The following GDI2 variants were observed in gnomAD, a reference collection of about 807,000 sequenced individuals.
The protein encoded by GDI2 is rab GDP dissociation inhibitor beta.
In GDI2, 22 loss-of-function variants were observed where a neutral mutation model predicts 54.2. The ratio of observed to expected loss-of-function variants is 0.41; its 90% CI spans 0.29 to 0.58. The LOEUF is 0.58. Among genes scored for constraint, GDI2 ranks in the 20% least tolerant of loss-of-function variants. GDI2 has a pLI of 0.35. For synonymous variants in GDI2, 177 were observed against 182.1 expected (o/e 0.97, Z 0.23); for missense variants, 422 against 546.0 (o/e 0.77, Z 2.26).
chr10:5,784,219 T>C (rs1840823645), intron 6 of GDI2, among the ~76,000 whole-genome samples: 1 of 152,232 alleles, frequency 6.6e-6, no homozygotes, highest in Admixed American at 6.5e-5. Context: ...TCAATTCTAT[T>C]GCTGAGACTT....
intron 1 of GDI2, among the ~76,000 whole-genome samples, chr10:5,807,387 C>T (rs1238929242): frequency 6.6e-6 from 1 of 152,176 alleles, no homozygotes; most frequent in Non-Finnish European, 1.5e-5. Flanking sequence ...ACTAGAAAAG[C>T]TGGTCCATCT....
rs1840335658 is a variant in GDI2, at chr10:5,766,421, A to G, written c.1136+73T>C. The G allele has an allele frequency of 6.4e-7, 1 of 1,567,528 alleles. No homozygotes were observed. Among genetic ancestry groups the G allele is most frequent in the Non-Finnish European group, 8.8e-7 (1 of 1,138,636 alleles). Reference sequence around the variant, plus strand: ...CAGCAGCTACCTGCCTTGCCCTCACATTCGTCCCACCATGGAGCCACAATC... The same window carrying G: ...CAGCAGCTACCTGCCTTGCCCTCACGTTCGTCCCACCATGGAGCCACAATC... On this transcript the variant is annotated intron_variant, in intron 9 of 10. Transcript: ENST00000380191. The surrounding 1 kb of genome is among the most constrained non-coding windows in gnomAD (Gnocchi z 5.8).
At chr10:5,778,157 T>C (rs1840667874) in intron 6 of GDI2, among the ~76,000 whole-genome samples, 1 of 152,070 alleles carries the variant, frequency 6.6e-6, no homozygotes, top group South Asian at 2.1e-4. Context: ...TAGGGAGGGA[T>C]AGCACTAGAA....
chr10:5,784,769 G>C (rs766141617), intron 6 of GDI2, among the ~76,000 whole-genome samples: 4 of 152,200 alleles, frequency 2.6e-5, no homozygotes, highest in Non-Finnish European at 4.4e-5. Flanking sequence ...AAAGAGTCCT[G>C]TGATGTGATC....
At position 5,800,641 on chromosome 10, in the gene GDI2, G is replaced by A; in HGVS notation, c.110C>T (p.Pro37Leu). Reference sequence around the variant, plus strand: ...AGATGCACTCTCTCCTCCGTAGTAAGGGTTTCGATCCATATGAAGAACTTT... The same window carrying A: ...AGATGCACTCTCTCCTCCGTAGTAAAGGTTTCGATCCATATGAAGAACTTT... ...GKKVLHMDRN[P>L]YYGGESASIT... The change falls in exon 2 of 11, where the codon CCT becomes CTT. Residue 37 changes from proline to leucine, a missense_variant. Physicochemically the swap from Pro to Leu is moderately conservative, Grantham distance 98. Coordinates refer to ENST00000380191, the MANE Select transcript of GDI2 (RefSeq NM_001494.4). 6.3e-7 allele frequency: 1 copy of A among 1,599,154 alleles called. No individual in the cohort carries two copies. Among genetic ancestry groups the A allele is most frequent in the Non-Finnish European group, 8.6e-7 (1 of 1,166,350 alleles).
chr10:5,770,086 T>C (rs1338090623), intron 7 of GDI2, among the ~76,000 whole-genome samples: 2 of 152,198 alleles, frequency 1.3e-5, no homozygotes, highest in African/African-American at 4.8e-5. Flanking sequence ...ACAACACAGA[T>C]GAACCATGGA....
At chr10:5,796,109 G>C (rs1407764765) in intron 3 of GDI2, among the ~76,000 whole-genome samples, 1 of 152,078 alleles carries the variant, frequency 6.6e-6, no homozygotes, top group African/African-American at 2.4e-5. Context: ...ACAGTACTTG[G>C]GAGGCTGAGG....
intron 6 of GDI2, among the ~76,000 whole-genome samples, chr10:5,784,593 C>A (rs570025228): frequency 1.3e-5 from 2 of 152,200 alleles, no homozygotes; most frequent in Non-Finnish European, 2.9e-5. Context: ...GGCTGCTGTT[C>A]AGATTCTTTT....
In GDI2 at chr10:5,768,650, G is replaced by A. The variant is rs1473237378; in HGVS notation, c.820-266C>T. Reference sequence around the variant, plus strand: ...TGACAAACGTATGGACCAATGAAACGAGGAGAGAGCCAGAAATAAACCCTC... The same window carrying A: ...TGACAAACGTATGGACCAATGAAACAAGGAGAGAGCCAGAAATAAACCCTC... On this transcript the variant is annotated intron_variant, in intron 7 of 10. Transcript: ENST00000380191. This position sits in a 1 kb window ranked among gnomAD's most constrained non-coding sequence, Gnocchi z 4.4. 5.8e-5 allele frequency: 19 copies of A among 328,596 alleles called. No individual in the cohort carries two copies. Among genetic ancestry groups the A allele is most frequent in the South Asian group, 4.1e-4 (6 of 14,500 alleles). The allele number at this position is 328,596 out of a possible 1,614,324, so 20.4% of individuals were successfully genotyped here. A position where few individuals can be genotyped will look rare whatever the true frequency, so the allele number is the denominator to read the frequency against.
Position 5,766,496 on chromosome 10 carries a change from C to G in GDI2, c.1134G>C (p.Gln378His), listed in dbSNP as rs777840947. 2.4e-5 allele frequency: 39 copies of G among 1,613,120 alleles called. No individual in the cohort carries two copies. ...AGATATAAAAGAACACAACTCACTT[C>G]TGTTCAATTGGTTCCAAGAGCTCCA... is the stretch of plus-strand genomic sequence containing the variant. ...PALELLEPIE[Q>H]KFVSISDLLV... Residue 378 changes from glutamine (Q) to histidine (H), a missense_variant and splice_region_variant, in exon 9 of 11, where the codon CAG (glutamine) becomes CAC (histidine). By Grantham distance (24) the Gln-to-His change is conservative. Transcript: ENST00000380191. This position sits in a 1 kb window ranked among gnomAD's most constrained non-coding sequence, Gnocchi z 5.8.
chr10:5,785,419 G>A, intron 5 of GDI2, 146 bp from the exon 6 acceptor site: 1 of 619,406 alleles, frequency 1.6e-6, no homozygotes, highest in Admixed American at 2.8e-5. Context: ...CTGTCGCCCA[G>A]ACTGGAGTGC....
intron 4 of GDI2, among the ~76,000 whole-genome samples, chr10:5,792,892 T>G (rs771016792): frequency 1.4e-5 from 2 of 146,018 alleles, no homozygotes; most frequent in African/African-American, 2.5e-5. Flanking sequence ...AGGAGGTAAC[T>G]GAAGCTTTAA....
rs12267433 is a variant in GDI2, at chr10:5,766,755, T to G, written c.992-117A>C. The stretch of plus-strand genomic sequence containing the variant: ...TTAAAATTACTCTCAATAGGCAAGA[T>G]CTTCTACACTTAAGTTCTAAATGGT... On this transcript the variant is annotated intron_variant, in intron 8 of 10. Coordinates refer to ENST00000380191, the MANE Select transcript of GDI2 (RefSeq NM_001494.4). This position sits in a 1 kb window ranked among gnomAD's most constrained non-coding sequence, Gnocchi z 5.8. 2.8e-3 allele frequency: 2,001 copies of G among 704,450 alleles called. 27 individuals are homozygous for G. In the African/African-American group the frequency reaches 0.031, roughly 11 times the overall value. 43.6% of individuals were successfully genotyped at this position (704,450 alleles called of 1,614,324 possible).
chr10:5,775,941 C>G, intron 6 of GDI2: 1 of 162,702 alleles, frequency 6.1e-6, no homozygotes, highest in Non-Finnish European at 1.3e-5. Flanking sequence ...GCTGCTGGCT[C>G]TTGAACGCAG....
Position 5,766,754 on chromosome 10 carries a change from ATCTTCTACACTTAAGT to A in GDI2, c.992-132_992-117del. 1 of 714,498 alleles carries A rather than the reference ATCTTCTACACTTAAGT, an allele frequency of 1.4e-6. No individual in the cohort carries two copies. The highest frequency in any genetic ancestry group is 2.4e-6 in the Non-Finnish European group (1 of 412,900). 44.3% of individuals were successfully genotyped at this position (714,498 alleles called of 1,614,324 possible). On this transcript the variant is annotated intron_variant, in intron 8 of 10. Transcript: ENST00000380191. This position sits in a 1 kb window ranked among gnomAD's most constrained non-coding sequence, Gnocchi z 5.8. ...GTTAAAATTACTCTCAATAGGCAAG[ATCTTCTACACTTAAGT>A]TCTAAATGGTGACAGAGTTGGATGT... is the stretch of plus-strand genomic sequence containing the variant.
intron 4 of GDI2, among the ~76,000 whole-genome samples, chr10:5,790,740 T>C (rs1331900969): frequency 1.3e-5 from 2 of 152,062 alleles, no homozygotes; most frequent in Non-Finnish European, 1.5e-5. Flanking sequence ...AACAGGCTAT[T>C]AGTAGTTTCA....
intron 4 of GDI2, among the ~76,000 whole-genome samples, chr10:5,787,848 C>G (rs1453327877): frequency 6.6e-6 from 1 of 152,172 alleles, no homozygotes; most frequent in African/African-American, 2.4e-5. Flanking sequence ...TAATAGAAAC[C>G]TGAGTTGCTG....
intron 1 of GDI2, among the ~76,000 whole-genome samples, chr10:5,807,601 C>G (rs1841402183): frequency 6.6e-6 from 1 of 152,236 alleles, no homozygotes; most frequent in Admixed American, 6.5e-5. Context: ...CTGTATGACA[C>G]TAGCATCTGC....
rs116751326 is a variant in GDI2 at position 5,811,557 on chromosome 10, T to C, written c.45+1657A>G. Among the ~76,000 whole-genome samples, 707 of 151,160 alleles carry C rather than the reference T, an allele frequency of 4.7e-3. 6 individuals are homozygous for C. The highest frequency in any genetic ancestry group is 0.016 in the African/African-American group (664 of 41,080). On this transcript the variant is annotated intron_variant, in intron 1 of 10. Transcript: ENST00000380191. ...AACAACCATAGAAAAACGGTGGAAC[T>C]AACCGGCTCTTAAAACACGCTGGCA... is the stretch of plus-strand genomic sequence containing the variant.
Sources: gnomAD v4.1 joint callset for allele counts (sites outside exome capture counted in the v4.1 genomes callset) on GRCh38, gnomAD v4.1.1 for gene constraint, Gnocchi (gnomAD v3.1) non-coding constraint, MANE v1.5 for transcripts, NCBI Gene and HGNC (gene_info 2026-07-23, HGNC 2026-07-21) for gene names.